ANKRD6: variants seen among roughly 807,000 people sequenced by gnomAD.
ANKRD6 encodes the protein ankyrin repeat domain 6.
A neutral mutation model predicts 82.3 loss-of-function variants in ANKRD6; 56 were observed. The observed-to-expected ratio is 0.68, with a 90% CI of 0.55 to 0.85. ANKRD6 has a LOEUF of 0.85. Among genes scored for constraint, ANKRD6 ranks in the 40% least tolerant of loss-of-function variants. The pLI is 0.00. For missense variants in ANKRD6, 852 were observed against 907.6 expected (o/e 0.94, Z 0.79); for synonymous variants, 347 against 352.1 (o/e 0.99, Z 0.16).
intron 1 of ANKRD6, among the ~76,000 whole-genome samples, chr6:89,471,386 G>A (rs1775448229): frequency 6.7e-6 from 1 of 148,898 alleles, no homozygotes; most frequent in African/African-American, 2.5e-5. Flanking sequence ...AAAAAGAGGA[G>A]ATCTAGGCAG....
intron 2 of ANKRD6, among the ~76,000 whole-genome samples, chr6:89,583,555 C>T (rs185708521): frequency 6.6e-6 from 1 of 152,218 alleles, no homozygotes; most frequent in Admixed American, 6.5e-5. Flanking sequence ...GGCAGCCCCT[C>T]AGATTGAGTG....
At chr6:89,577,021 CAG>C (rs1222873968) in intron 2 of ANKRD6, among the ~76,000 whole-genome samples, 1 of 151,960 alleles carries the variant, frequency 6.6e-6, no homozygotes, top group Non-Finnish European at 1.5e-5. Flanking sequence ...TCCCAGGTAA[CAG>C]GGACTACAGT....
At chr6:89,618,150 C>A in intron 9 of ANKRD6, 119 bp downstream of exon 9, 3 of 1,167,810 alleles carry the variant, frequency 2.6e-6, no homozygotes, top group Admixed American at 1.7e-5. Context: ...TGTAACCAGG[C>A]AGTGGAGGTA....
intron 1 of ANKRD6, among the ~76,000 whole-genome samples, chr6:89,512,082 G>C (rs1241209371): frequency 6.6e-6 from 1 of 152,030 alleles, no homozygotes; most frequent in African/African-American, 2.4e-5. Flanking sequence ...TTTGGTCTTA[G>C]GTATGCTCCT....
chr6:89,583,453 T>A (rs1793035585), intron 2 of ANKRD6, among the ~76,000 whole-genome samples: 1 of 152,180 alleles, frequency 6.6e-6, no homozygotes. Context: ...CTTACTATGA[T>A]AAGGATGGTA....
intron 1 of ANKRD6, among the ~76,000 whole-genome samples, chr6:89,551,857 C>T (rs1583235062): frequency 6.6e-6 from 1 of 152,198 alleles, no homozygotes; most frequent in East Asian, 1.9e-4. Flanking sequence ...CTGTTTAAAA[C>T]TCTCAGGAAT....
chr6:89,441,020 C>G (rs572555257), intron 1 of ANKRD6, among the ~76,000 whole-genome samples: 2 of 152,172 alleles, frequency 1.3e-5, no homozygotes, highest in East Asian at 3.9e-4. Context: ...TTGATGATGC[C>G]TTCACTAGAT....
chr6:89,610,909 G>T (rs1255696524), intron 5 of ANKRD6, among the ~76,000 whole-genome samples: 1 of 152,018 alleles, frequency 6.6e-6, no homozygotes, highest in Middle Eastern at 3.2e-3. Flanking sequence ...CTAAAATAGG[G>T]ATGCTGGATA....
In ANKRD6 at chr6:89,499,077, G is replaced by A. The variant is rs993919401; in HGVS notation, c.-144+65702G>A. 6.6e-5 allele frequency among the ~76,000 whole-genome samples: 10 copies of A among 151,894 alleles called. 1 individual carries two copies. The highest frequency in any genetic ancestry group is 2.4e-4 in the African/African-American group (10 of 41,346). ...GCCAAGCACAAGTCTGTAGGGAAAG[G>A]TCTCCCTTCCTGAATAAAAAGACAT... On this transcript the variant is annotated intron_variant, in intron 1 of 15. Coordinates refer to ENST00000339746, the MANE Select transcript of ANKRD6 (RefSeq NM_001242809.2).
chr6:89,592,195 C>G (rs935305616), intron 2 of ANKRD6, among the ~76,000 whole-genome samples: 5 of 152,160 alleles, frequency 3.3e-5, no homozygotes, highest in Non-Finnish European at 7.3e-5. Flanking sequence ...AACTCTTCAC[C>G]CAAATCTGTT....
Position 89,449,006 on chromosome 6 carries a change from G to A in ANKRD6, c.-144+15631G>A, listed in dbSNP as rs1772468389. 2.7e-5 allele frequency among the ~76,000 whole-genome samples: 4 copies of A among 146,920 alleles called. No individual in the cohort carries two copies. In the Admixed American group the frequency reaches 2.7e-4, roughly 10 times the overall value. ...GATCGCGCCACTGCACTCCAACCTGGGAGACACAGCGAGACTCCGTCTCAA... is the reference window on the plus strand; with the variant it reads ...GATCGCGCCACTGCACTCCAACCTGAGAGACACAGCGAGACTCCGTCTCAA... On this transcript the variant is annotated intron_variant, in intron 1 of 15. Transcript: ENST00000339746.
rs575216796 is a variant in ANKRD6 at position 89,517,744 on chromosome 6, C to T, written c.-143-49090C>T. On this transcript the variant is annotated intron_variant, in intron 1 of 15. Coordinates refer to ENST00000339746, the MANE Select transcript of ANKRD6 (RefSeq NM_001242809.2). ...TTTTTAAAAGAGAAAACTGTCTTGT[C>T]CTTATGACAGTTAATTGCTAAACAG... Among the ~76,000 whole-genome samples, 16 of 152,328 alleles carry T rather than the reference C, an allele frequency of 1.1e-4. No homozygotes were observed. The South Asian group carries it at 3.3e-3, about 32-fold the overall frequency.
chr6:89,500,972 C>CTTTT (rs35877637), intron 1 of ANKRD6, among the ~76,000 whole-genome samples: 18 of 121,820 alleles, frequency 1.5e-4, no homozygotes, highest in African/African-American at 2.1e-4. Flanking sequence ...CCCAATTAGT[C>CTTTT]TTTTTTTTTT....
intron 1 of ANKRD6, among the ~76,000 whole-genome samples, chr6:89,536,318 T>C (rs562973078): frequency 1.3e-5 from 2 of 152,218 alleles, no homozygotes; most frequent in African/African-American, 4.8e-5. Context: ...GGTCCACACA[T>C]GTCTTTTCTG....
chr6:89,575,927 A>G (rs1011362241), intron 2 of ANKRD6, among the ~76,000 whole-genome samples: 1 of 152,218 alleles, frequency 6.6e-6, no homozygotes. Context: ...CATGCACAGA[A>G]CATGTCTTCA....
intron 1 of ANKRD6, among the ~76,000 whole-genome samples, chr6:89,551,327 G>T (rs1785816915): frequency 6.6e-6 from 1 of 152,102 alleles, no homozygotes; most frequent in Non-Finnish European, 1.5e-5. Context: ...AGCTCTTCCT[G>T]CCTTTTTTTC....
At chr6:89,536,502 A>G (rs1263461548) in intron 1 of ANKRD6, among the ~76,000 whole-genome samples, 1 of 152,204 alleles carries the variant, frequency 6.6e-6, no homozygotes, top group Non-Finnish European at 1.5e-5. Context: ...GTGGTGGAAC[A>G]TGCTCTCAGT....
chr6:89,485,905 C>A (rs568915164), intron 1 of ANKRD6, among the ~76,000 whole-genome samples: 1 of 152,194 alleles, frequency 6.6e-6, no homozygotes, highest in Admixed American at 6.5e-5. Flanking sequence ...TGCATATATA[C>A]AACTCTTAAT....
rs988457983 is a variant in ANKRD6 at position 89,611,593 on chromosome 6, T to A, written c.418-679T>A. Among the ~76,000 whole-genome samples, 7 of 152,362 alleles carry A rather than the reference T, an allele frequency of 4.6e-5. No homozygotes were observed. In the East Asian group the frequency reaches 1.3e-3, roughly 29 times the overall value. Reference sequence around the variant, plus strand: ...GTCATTGTGATGTGGTTTGTTGAGGTTCTCAAAAACAAGAAGGACCCAAAA... The same window carrying A: ...GTCATTGTGATGTGGTTTGTTGAGGATCTCAAAAACAAGAAGGACCCAAAA... On this transcript the variant is annotated intron_variant, in intron 5 of 15. Coordinates refer to ENST00000339746, the MANE Select transcript of ANKRD6 (RefSeq NM_001242809.2).
Sources: gnomAD v4.1 joint callset for allele counts (sites outside exome capture counted in the v4.1 genomes callset) on GRCh38, gnomAD v4.1.1 for gene constraint, MANE v1.5 for transcripts, NCBI Gene and HGNC (gene_info 2026-07-23, HGNC 2026-07-21) for gene names.